Variants in CACNA2D1 observed in about 807,000 individuals in gnomAD.
CACNA2D1 encodes calcium voltage-gated channel auxiliary subunit alpha2delta 1, also known as voltage-dependent calcium channel subunit alpha-2/delta-1.
In CACNA2D1, 53 loss-of-function variants were observed where a neutral mutation model predicts 171.5. That is an observed-to-expected ratio of 0.31 (90% CI 0.25 to 0.39). The LOEUF is 0.39. CACNA2D1 is among the 10% of genes least tolerant of loss of function. CACNA2D1 has a pLI of 1.00. For missense variants in CACNA2D1, 903 were observed against 1,299.8 expected, an observed-to-expected ratio of 0.69 and a Z score of 4.69; for synonymous variants, 442 against 443.1, an observed-to-expected ratio of 1.00 and a Z score of 0.03.
intron 18 of CACNA2D1, among the ~76,000 whole-genome samples, chr7:81,999,078 C>T (rs1562845871): frequency 1.3e-5 from 2 of 152,058 alleles, no homozygotes; most frequent in South Asian, 4.1e-4. Context: ...ATTTATCTTA[C>T]ATGCAATGGA....
At chr7:82,412,131 T>C (rs866644749) in intron 1 of CACNA2D1, among the ~76,000 whole-genome samples, 6 of 152,054 alleles carry the variant, frequency 3.9e-5, no homozygotes, top group Non-Finnish European at 8.8e-5. Flanking sequence ...ATAATAAATA[T>C]ATACAATGTT....
chr7:82,083,740 T>A (rs1270596578), intron 7 of CACNA2D1, among the ~76,000 whole-genome samples: 3 of 152,170 alleles, frequency 2.0e-5, no homozygotes. Context: ...GCAGAAGTTA[T>A]ATGGTTTTTA....
chr7:81,952,903 G>T (rs1792774998), intron 38 of CACNA2D1, among the ~76,000 whole-genome samples: 1 of 151,850 alleles, frequency 6.6e-6, no homozygotes, highest in African/African-American at 2.4e-5. Flanking sequence ...AACTTGACTT[G>T]CCTTGCCCCT....
At chr7:82,216,705 C>T (rs529899076) in intron 3 of CACNA2D1, among the ~76,000 whole-genome samples, 3 of 152,044 alleles carry the variant, frequency 2.0e-5, no homozygotes, top group African/African-American at 7.2e-5. Context: ...TATCCAAAGA[C>T]CAAGACGCCT....
intron 1 of CACNA2D1, among the ~76,000 whole-genome samples, chr7:82,357,122 A>G (rs1259672825): frequency 1.3e-5 from 2 of 152,182 alleles, no homozygotes; most frequent in African/African-American, 4.8e-5. Flanking sequence ...AAACATATAG[A>G]ATATGCAGAT....
At chr7:82,183,837 C>T (rs920814576) in intron 3 of CACNA2D1, among the ~76,000 whole-genome samples, 3 of 152,090 alleles carry the variant, frequency 2.0e-5, no homozygotes, top group African/African-American at 7.2e-5. Context: ...TGGTGAACCA[C>T]TTCCAGTCCT....
At position 82,117,070 on chromosome 7, in the gene CACNA2D1, T is replaced by C. The variant is rs1231708123; in HGVS notation, c.500A>G (p.His167Arg). The C allele has an allele frequency of 6.2e-7, 1 of 1,613,888 alleles. No individual in the cohort carries two copies. The stretch of plus-strand genomic sequence containing the variant: ...GCCCTCATAGATGTCAGTAGGAATA[T>C]GGACTGCTGCGTGCTGATAAGATAT... ...RQISYQHAAV[H>R]IPTDIYEGST... is the part of the protein sequence containing the mutation. Residue 167 changes from histidine (H) to arginine (R), a missense_variant, in exon 6 of 39, where the codon CAT becomes CGT. Physicochemically the swap from His to Arg is conservative, Grantham distance 29. This residue lies in a region of CACNA2D1 where 189 missense variants were observed against 266.8 expected (regional missense o/e 0.71). Coordinates refer to ENST00000356860, the MANE Select transcript of CACNA2D1 (RefSeq NM_000722.4).
intron 3 of CACNA2D1, among the ~76,000 whole-genome samples, chr7:82,326,364 T>C (rs1407133210): frequency 1.3e-5 from 2 of 152,142 alleles, no homozygotes; most frequent in East Asian, 3.9e-4. Context: ...AACCCATCAA[T>C]GATGTTAAGT....
chr7:81,993,309 T>C (rs1184332689), intron 20 of CACNA2D1, among the ~76,000 whole-genome samples: 3 of 152,176 alleles, frequency 2.0e-5, no homozygotes, highest in Non-Finnish European at 4.4e-5. Flanking sequence ...TGCAACTCAT[T>C]ATGCCAAACA....
chr7:82,239,425 G>GA (rs1803989560), intron 3 of CACNA2D1, among the ~76,000 whole-genome samples: 1 of 151,992 alleles, frequency 6.6e-6, no homozygotes, highest in African/African-American at 2.4e-5. Flanking sequence ...CCACGTCCCT[G>GA]AAAAAATCCC....
intron 3 of CACNA2D1, among the ~76,000 whole-genome samples, chr7:82,257,731 TG>T (rs1473688020): frequency 1.3e-5 from 2 of 152,220 alleles, no homozygotes; most frequent in East Asian, 3.9e-4. Flanking sequence ...CAATCTGGAC[TG>T]GTTCTCACAT....
intron 1 of CACNA2D1, among the ~76,000 whole-genome samples, chr7:82,364,760 C>A (rs73378113): frequency 1.3e-5 from 2 of 152,032 alleles, no homozygotes; most frequent in Admixed American, 6.6e-5. Context: ...CAGGACTGTG[C>A]GAAAAGGTTT....
At chr7:82,406,094 G>C (rs1294163904) in intron 1 of CACNA2D1, among the ~76,000 whole-genome samples, 1 of 151,834 alleles carries the variant, frequency 6.6e-6, no homozygotes, top group African/African-American at 2.4e-5. Context: ...CTGTGTCCAA[G>C]TGTTCTCACT....
At chr7:82,138,613 A>AT (rs1300518136) in intron 4 of CACNA2D1, among the ~76,000 whole-genome samples, 3 of 151,602 alleles carry the variant, frequency 2.0e-5, no homozygotes, top group Admixed American at 6.6e-5. Flanking sequence ...TGCCCCGCTA[A>AT]TTTTTTGTAT....
intron 1 of CACNA2D1, among the ~76,000 whole-genome samples, chr7:82,425,518 C>T (rs1829092162): frequency 6.6e-6 from 1 of 150,622 alleles, no homozygotes; most frequent in South Asian, 2.1e-4. Context: ...TTTACATTAC[C>T]AAATTTTAAA....
At chr7:82,055,031 C>T (rs892133533) in intron 10 of CACNA2D1, among the ~76,000 whole-genome samples, 3 of 152,118 alleles carry the variant, frequency 2.0e-5, no homozygotes, top group Non-Finnish European at 2.9e-5. Context: ...ATTCTCATTT[C>T]CCATTTTGGG....
At chr7:82,314,855 G>A (rs1447737440) in intron 3 of CACNA2D1, among the ~76,000 whole-genome samples, 1 of 151,970 alleles carries the variant, frequency 6.6e-6, no homozygotes, top group African/African-American at 2.4e-5. Context: ...AGATATGACT[G>A]CTGTTAACAG....
At chr7:82,027,601 T>C (rs1802096528) in intron 12 of CACNA2D1, 1 of 151,724 alleles carries the variant, frequency 6.6e-6, no homozygotes, top group Non-Finnish European at 1.5e-5. Flanking sequence ...TATAATCATA[T>C]GTGTGTACAG....
chr7:82,122,412 T>C (rs1014699887), intron 5 of CACNA2D1, among the ~76,000 whole-genome samples: 2 of 152,136 alleles, frequency 1.3e-5, no homozygotes, highest in Admixed American at 6.6e-5. Context: ...CTGATGTAAT[T>C]TTAGTTTGCA....
Sources: gnomAD v4.1 joint callset for allele counts (sites outside exome capture counted in the v4.1 genomes callset) on GRCh38, gnomAD v4.1.1 for gene constraint, gnomAD v4.1.1 regional missense constraint, MANE v1.5 for transcripts, NCBI Gene and HGNC (gene_info 2026-07-23, HGNC 2026-07-21) for gene names.